Variants in AMOTL1 observed in about 807,000 individuals in gnomAD.
AMOTL1 encodes the protein angiomotin like 1.
Under a neutral mutation model 102.9 loss-of-function variants are expected in AMOTL1, and 45 were observed. That is an observed-to-expected ratio of 0.44 (90% CI 0.34 to 0.56). AMOTL1 has a LOEUF of 0.56. AMOTL1 is among the 20% of genes least tolerant of loss of function. AMOTL1 has a pLI of 0.01. For missense variants in AMOTL1, 1,114 were observed against 1,225.6 expected, an observed-to-expected ratio of 0.91 and a Z score of 1.36; for synonymous variants, 481 against 484.7, an observed-to-expected ratio of 0.99 and a Z score of 0.10.
chr11:94,719,311 G>A (rs955342784), intron 1 of AMOTL1, among the ~76,000 whole-genome samples: 1 of 152,006 alleles, frequency 6.6e-6, no homozygotes, highest in African/African-American at 2.4e-5. Flanking sequence ...CTCAAACCCC[G>A]ACACTGTTTT....
intron 12 of AMOTL1, 133 bp downstream of exon 12, chr11:94,869,606 A>T: frequency 3.9e-6 from 4 of 1,028,464 alleles, no homozygotes; most frequent in Non-Finnish European, 1.4e-6. Context: ...ATTCTAATGC[A>T]CTTAGGATAT....
intron 1 of AMOTL1, among the ~76,000 whole-genome samples, chr11:94,717,457 A>G (rs775875774): frequency 1.2e-4 from 18 of 151,410 alleles, no homozygotes; most frequent in Non-Finnish European, 2.2e-4. Context: ...AGAAAGAGCC[A>G]ACAAAAGTGG....
chr11:94,780,327 G>A, intron 1 of AMOTL1, among the ~76,000 whole-genome samples: 1 of 152,184 alleles, frequency 6.6e-6, no homozygotes. Context: ...GGCCAGGTAA[G>A]GAGACTTTGA....
chr11:94,780,120 T>C (rs1425508706), intron 1 of AMOTL1, among the ~76,000 whole-genome samples: 1 of 152,176 alleles, frequency 6.6e-6, no homozygotes, highest in Non-Finnish European at 1.5e-5. Context: ...ACAAAGGTGC[T>C]AGGGAGAGGA....
chr11:94,845,446 T>C (rs541229881), intron 6 of AMOTL1, among the ~76,000 whole-genome samples: 20 of 152,180 alleles, frequency 1.3e-4, no homozygotes, highest in Non-Finnish European at 2.5e-4. Context: ...TATGTGAGGA[T>C]TATATGTTGT....
intron 1 of AMOTL1, among the ~76,000 whole-genome samples, chr11:94,712,295 T>C (rs1178472028): frequency 2.0e-5 from 3 of 152,070 alleles, no homozygotes; most frequent in Admixed American, 1.3e-4. Context: ...TGGCTAGCTA[T>C]ATGCAGAAGA....
Position 94,799,399 on chromosome 11 carries a change from C to G in AMOTL1, c.209C>G (p.Pro70Arg), listed in dbSNP as rs758371011. 6 of 1,566,538 alleles carry G rather than the reference C, an allele frequency of 3.8e-6. No homozygotes were observed. The highest frequency in any genetic ancestry group is 5.2e-6 in the Non-Finnish European group (6 of 1,153,996). Residue 70 changes from proline to arginine, a missense_variant, in exon 3 of 13, where the codon CCT becomes CGT. Physicochemically the swap from Pro to Arg is moderately radical, Grantham distance 103. Coordinates refer to ENST00000433060, the MANE Select transcript of AMOTL1 (RefSeq NM_130847.3). The surrounding 1 kb of genome is among the most constrained non-coding windows in gnomAD (Gnocchi z 4.5). ...SSIREKVVED[P>R]LCNFHSPNFL... is the part of the protein sequence containing the mutation. The stretch of plus-strand genomic sequence containing the variant: ...TATGTTTATCTTTTAGTTGAAGATC[C>G]TCTTTGTAACTTCCACTCCCCAAAC...
intron 1 of AMOTL1, among the ~76,000 whole-genome samples, chr11:94,719,949 G>C (rs918660883): frequency 5.3e-5 from 8 of 152,104 alleles, no homozygotes; most frequent in Non-Finnish European, 1.2e-4. Context: ...GAGTCTGAGG[G>C]AGGGCCTGGG....
chr11:94,772,850 A>C (rs1301422952), intron 1 of AMOTL1, among the ~76,000 whole-genome samples: 2 of 152,166 alleles, frequency 1.3e-5, no homozygotes, highest in Non-Finnish European at 2.9e-5. Flanking sequence ...TTTCTCTGCA[A>C]CCTCACTAGC....
At chr11:94,709,094 T>C (rs1949979064) in intron 1 of AMOTL1, among the ~76,000 whole-genome samples, 1 of 152,228 alleles carries the variant, frequency 6.6e-6, no homozygotes, top group Admixed American at 6.5e-5. Context: ...CAAGCATTTA[T>C]TGAGTGCCTA....
intron 1 of AMOTL1, chr11:94,706,672 TG>T (rs1949934627): frequency 6.6e-6 from 1 of 152,216 alleles, no homozygotes; most frequent in Non-Finnish European, 1.5e-5. Context: ...AAGGCATCTA[TG>T]GGCAGAGTTG....
At chr11:94,734,853 C>G (rs1950413597) in intron 2 of AMOTL1, among the ~76,000 whole-genome samples, 1 of 152,170 alleles carries the variant, frequency 6.6e-6, no homozygotes, top group Admixed American at 6.5e-5. Context: ...TTGGTGATTT[C>G]CTTGGGGGCT....
chr11:94,745,889 A>C (rs1346745827), intron 3 of AMOTL1, among the ~76,000 whole-genome samples: 1 of 152,200 alleles, frequency 6.6e-6, no homozygotes, highest in East Asian at 1.9e-4. Flanking sequence ...CCTAGTCTCC[A>C]AAAGGAGGTA....
chr11:94,745,010 C>T (rs1950573997), intron 3 of AMOTL1, among the ~76,000 whole-genome samples: 1 of 151,998 alleles, frequency 6.6e-6, no homozygotes, highest in Admixed American at 6.6e-5. Flanking sequence ...ATCTTTATCC[C>T]AGGGAATGCC....
At chr11:94,769,391 G>A (rs1950910221) in intron 1 of AMOTL1, among the ~76,000 whole-genome samples, 1 of 152,100 alleles carries the variant, frequency 6.6e-6, no homozygotes, top group Non-Finnish European at 1.5e-5. Context: ...GGAGGACGCG[G>A]CGGCAGAGCA....
At chr11:94,784,718 A>G (rs1377875395) in intron 1 of AMOTL1, among the ~76,000 whole-genome samples, 3 of 152,176 alleles carry the variant, frequency 2.0e-5, no homozygotes, top group Non-Finnish European at 4.4e-5. Flanking sequence ...TCAGGAGTGT[A>G]TATGTTTGTT....
intron 4 of AMOTL1, among the ~76,000 whole-genome samples, chr11:94,824,399 G>A (rs975975762): frequency 3.3e-5 from 5 of 152,156 alleles, no homozygotes; most frequent in Admixed American, 6.5e-5. Flanking sequence ...ACCTGTCAGT[G>A]ACGTTACATG....
intron 6 of AMOTL1, among the ~76,000 whole-genome samples, chr11:94,846,756 A>G (rs1952421435): frequency 6.6e-6 from 1 of 152,126 alleles, no homozygotes; most frequent in Admixed American, 6.5e-5. Flanking sequence ...TATAAATGCA[A>G]CTTCTATTTC....
rs1007340476 is a variant in AMOTL1, at chr11:94,873,733, G to T, written c.*2938G>T. 6.6e-6 allele frequency: 1 copy of T among 151,250 alleles called. No homozygotes were observed. Among genetic ancestry groups the T allele is most frequent in the East Asian group, 2.0e-4 (1 of 5,070 alleles). 9.4% of individuals were successfully genotyped at this position (151,250 alleles called of 1,614,324 possible). A position where few individuals can be genotyped will look rare whatever the true frequency, so the allele number is the denominator to read the frequency against. On this transcript the variant is annotated 3_prime_UTR_variant, in exon 13 of 13. Coordinates refer to ENST00000433060, the MANE Select transcript of AMOTL1 (RefSeq NM_130847.3). The stretch of plus-strand genomic sequence containing the variant: ...CTCTAACATGCGGCACTGCATCTTG[G>T]CAGTCTCTATGCCTGTCTGTGATGT...
Sources: allele counts gnomAD v4.1 joint callset (sites outside exome capture counted in the v4.1 genomes callset), GRCh38; gene constraint gnomAD v4.1.1; non-coding constraint Gnocchi (gnomAD v3.1); transcripts MANE v1.5; gene names NCBI Gene and HGNC (gene_info 2026-07-23, HGNC 2026-07-21).